The following ZSCAN29 variants were observed in gnomAD, a reference collection of about 807,000 sequenced individuals.
ZSCAN29 encodes the protein zinc finger and SCAN domain containing 29.
Under a neutral mutation model 71.9 loss-of-function variants are expected in ZSCAN29, and 55 were observed. That is an observed-to-expected ratio of 0.76 (90% CI 0.62 to 0.96). The LOEUF is 0.96. ZSCAN29 is among the 40% of genes least tolerant of loss of function. The probability of loss-of-function intolerance (pLI) is 0.00; values close to 1 mark genes in which losing one functional copy is unlikely to be tolerated. For missense variants in ZSCAN29, 1,042 were observed against 1,042.2 expected, an observed-to-expected ratio of 1.00 and a Z score of 0.00; for synonymous variants, 351 against 371.6, an observed-to-expected ratio of 0.94 and a Z score of 0.64.
Position 43,361,896 on chromosome 15 carries a change from A to T in ZSCAN29, c.1736T>A (p.Ile579Asn). The T allele has an allele frequency of 1.2e-6, 2 of 1,613,842 alleles. No individual in the cohort carries two copies. Among genetic ancestry groups the T allele is most frequent in the Middle Eastern group, 1.7e-4 (1 of 6,058 alleles). Residue 579 changes from isoleucine to asparagine, a missense_variant, in exon 6 of 6, where the codon ATT becomes AAT. By Grantham distance (149) the Ile-to-Asn change is moderately radical. Coordinates refer to ENST00000684362, the MANE Select transcript of ZSCAN29 (RefSeq NM_001372080.1). ...FENEDNSKRD[I>N]SEEVQLHRTL... The stretch of plus-strand genomic sequence containing the variant: ...CCTATGCAGTTGTACTTCCTCAGAA[A>T]TATCCCGTTTTGAATTATCTTCATT...
chr15:43,361,570 T>G lies in ZSCAN29; in HGVS notation c.2062A>C (p.Ser688Arg). 6.2e-7 allele frequency: 1 copy of G among 1,614,250 alleles called. No homozygotes were observed. The highest frequency in any genetic ancestry group is 8.5e-7 in the Non-Finnish European group (1 of 1,180,046). Residue 688 changes from serine (S) to arginine (R), a missense_variant, in exon 6 of 6, where the codon AGT becomes CGT. Physicochemically the swap from Ser to Arg is moderately radical, Grantham distance 110. Coordinates refer to ENST00000684362, the MANE Select transcript of ZSCAN29 (RefSeq NM_001372080.1). The stretch of plus-strand genomic sequence containing the variant: ...TGTCTAATGAGTCGTGCACTCCGAC[T>G]GAAGCTTTTCCCACAATCAGCACAT... ...YKCADCGKSF[S>R]RSARLIRHRR...
At position 43,370,975 on chromosome 15, in the gene ZSCAN29, A is replaced by ACCCCGGCTCCGG; in HGVS notation, c.-531_-530insCCGGAGCCGGGG. The ACCCCGGCTCCGG allele has an allele frequency of 3.9e-6, 1 of 259,160 alleles. No individual in the cohort carries two copies. The highest frequency in any genetic ancestry group is 7.7e-6 in the Non-Finnish European group (1 of 129,460). 16.1% of individuals were successfully genotyped at this position (259,160 alleles called of 1,614,324 possible). ...CTCACCCACTCGGGGTCCGACCCTGACCCCGGCCCCGGCCCCGGCCCCGGC... is the reference window on the plus strand; with the variant it reads ...CTCACCCACTCGGGGTCCGACCCTGACCCCGGCTCCGGCCCCGGCCCCGGCCCCGGCCCCGGC... On this transcript the variant is annotated 5_prime_UTR_variant, in exon 1 of 6. Transcript: ENST00000684362.
At position 43,361,127 on chromosome 15, in the gene ZSCAN29, C is replaced by A; in HGVS notation, c.2505G>T (p.Lys835Asn). 1 of 1,612,378 alleles carries A rather than the reference C, an allele frequency of 6.2e-7. No individual in the cohort carries two copies. Residue 835 changes from lysine (K) to asparagine (N), a missense_variant, in exon 6 of 6, where the codon AAG (lysine) becomes AAT (asparagine). Lys to Asn is a moderately conservative substitution (Grantham distance 94). Transcript: ENST00000684362. ...KCFSKSSALN[K>N]HGEIHAREKL... ...TTTCCCGTGCATGGATTTCTCCGTG[C>A]TTATTAAGGGCAGAGCTTTTACTGA...
chr15:43,364,770 C>T (rs1376520302), intron 4 of ZSCAN29, among the ~76,000 whole-genome samples: 1 of 151,462 alleles, frequency 6.6e-6, no homozygotes, highest in Admixed American at 6.6e-5. Context: ...CACCTATAGT[C>T]CCAGCTACTT....
chr15:43,361,485 C>A lies in ZSCAN29; in HGVS notation c.2147G>T (p.Arg716Leu). The change falls in exon 6 of 6, where the codon CGT (arginine) becomes CTT (leucine). Residue 716 changes from arginine (R) to leucine (L), a missense_variant. By Grantham distance (102) the Arg-to-Leu change is moderately radical. Coordinates refer to ENST00000684362, the MANE Select transcript of ZSCAN29 (RefSeq NM_001372080.1). ...ATGGGTGATGAAATTTGAACTGTCA[C>A]GGAAACTTTTTCCACAGTCAAGACA... The part of the protein sequence containing the change: ...YKCLDCGKSF[R>L]DSSNFITHRR... The A allele has an allele frequency of 6.2e-7, 1 of 1,613,564 alleles. No individual in the cohort carries two copies. The highest frequency in any genetic ancestry group is 8.5e-7 in the Non-Finnish European group (1 of 1,179,498).
In ZSCAN29 at chr15:43,364,079, G is replaced by A. The variant is rs769999057; in HGVS notation, c.1526C>T (p.Thr509Ile). 8 of 1,614,164 alleles carry A rather than the reference G, an allele frequency of 5.0e-6. No homozygotes were observed. In the East Asian group the frequency reaches 1.6e-4, roughly 31 times the overall value. The change falls in exon 5 of 6, where the codon ACT becomes ATT. Residue 509 changes from threonine to isoleucine, a missense_variant. Transcript: ENST00000684362. ...GGTCCCCTGGACGGGGCAAGAAGCA[G>A]TCTCTTCCTGGCCATCATTGGGTGG... ...AAPPNDGQEE[T>I]ASCPVQGTSE... is the part of the protein sequence containing the mutation.
In ZSCAN29 at chr15:43,369,788, A is replaced by G; in HGVS notation, c.126T>C (p.Leu42=). The change falls in exon 2 of 6, where the codon CTT becomes CTC. Residue 42 remains leucine, a synonymous_variant. Transcript: ENST00000684362. ...PREAFSQLWE[L]CCRWLRPEVR... ...CCTCCGGCCTTAGCCACCGACAGCA[A>G]AGTTCCCAGAGTTGGCTGAAAGCCT... The G allele has an allele frequency of 1.2e-5, 20 of 1,614,248 alleles. No individual in the cohort carries two copies. Among genetic ancestry groups the G allele is most frequent in the Non-Finnish European group, 1.7e-5 (20 of 1,180,048 alleles).
Position 43,364,015 on chromosome 15 carries a change from G to A in ZSCAN29, c.1590C>T (p.Asp530=), listed in dbSNP as rs756044509. 20 of 1,613,892 alleles carry A rather than the reference G, an allele frequency of 1.2e-5. No individual in the cohort carries two copies. Among genetic ancestry groups the A allele is most frequent in the East Asian group, 2.2e-5 (1 of 44,900 alleles). Residue 530 remains aspartate, a synonymous_variant, in exon 5 of 6, where the codon GAC becomes GAT. Transcript: ENST00000684362. ...CATCAGAATCTTCCTCTGTGGCCTC[G>A]TCTGCTTCCTCAGCTTGCTTCTGAG... ...AEAQKQAEEA[D]EATEEDSDDD...
rs2044085962 is a variant in ZSCAN29 at position 43,370,015 on chromosome 15, GGT to G, written c.-104_-103del. The G allele has an allele frequency of 2.5e-6, 3 of 1,217,098 alleles. No individual in the cohort carries two copies. The highest frequency in any genetic ancestry group is 3.4e-6 in the Non-Finnish European group (3 of 879,222). 75.4% of individuals were successfully genotyped at this position (1,217,098 alleles called of 1,614,324 possible). A position where few individuals can be genotyped will look rare whatever the true frequency, so the allele number is the denominator to read the frequency against. ...GAATCCCCTGCAGATGACTGTAAGA[GGT>G]GTTTCTTCCTAGGGCAGAGAAAGAT... is the stretch of plus-strand genomic sequence containing the variant. On this transcript the variant is annotated 5_prime_UTR_variant, in exon 2 of 6. The change creates a premature stop within an existing upstream ORF in the 5' untranslated region. Transcript: ENST00000684362.
Position 43,364,042 on chromosome 15 carries a change from T to C in ZSCAN29, c.1563A>G (p.Glu521=). ...CTGCTTCCTCAGCTTGCTTCTGAGC[T>C]TCAGCCTCACTGGTCCCCTGGACGG... ...SCPVQGTSEA[E]AQKQAEEADE... is the part of the protein sequence containing the mutation. Residue 521 remains glutamate (E), a synonymous_variant, in exon 5 of 6, where the codon GAA becomes GAG. Coordinates refer to ENST00000684362, the MANE Select transcript of ZSCAN29 (RefSeq NM_001372080.1). 6.2e-7 allele frequency: 1 copy of C among 1,614,162 alleles called. No homozygotes were observed. The highest frequency in any genetic ancestry group is 1.6e-4 in the Middle Eastern group (1 of 6,062).
rs1238510690 is a variant in ZSCAN29, at chr15:43,359,390, C to T, written c.*1683G>A. 1.3e-5 allele frequency: 2 copies of T among 152,208 alleles called. No individual in the cohort carries two copies. The highest frequency in any genetic ancestry group is 2.9e-5 in the Non-Finnish European group (2 of 68,040). The allele number at this position is 152,208 out of a possible 1,614,324, so 9.4% of individuals were successfully genotyped here. A position where few individuals can be genotyped will look rare whatever the true frequency, so the allele number is the denominator to read the frequency against. On this transcript the variant is annotated 3_prime_UTR_variant, in exon 6 of 6. Transcript: ENST00000684362. ...GCTCATCATACTATGAGCATATGGG[C>T]AGTTAATACTATTGTATTATAAAGA...
Position 43,368,983 on chromosome 15 carries a change from C to G in ZSCAN29, c.463G>C (p.Asp155His). The change falls in exon 3 of 6, where the codon GAC (aspartate) becomes CAC (histidine). Residue 155 changes from aspartate to histidine, a missense_variant. Coordinates refer to ENST00000684362, the MANE Select transcript of ZSCAN29 (RefSeq NM_001372080.1). ...VPKKERARSP[D>H]LGPQEQMNPK... ...TTCATCTGCTCCTGTGGTCCCAGGT[C>G]TGGGCTTCTTGCCCTCTCTTTCTTG... The G allele has an allele frequency of 6.2e-7, 1 of 1,613,108 alleles. No homozygotes were observed. Among genetic ancestry groups the G allele is most frequent in the Non-Finnish European group, 8.5e-7 (1 of 1,179,730 alleles).
Position 43,366,253 on chromosome 15 carries a change from TCA to T in ZSCAN29, c.1077_1078del (p.Glu360ArgfsTer10). 1.2e-6 allele frequency: 2 copies of T among 1,613,688 alleles called. No homozygotes were observed. Among genetic ancestry groups the T allele is most frequent in the Non-Finnish European group, 1.7e-6 (2 of 1,180,030 alleles). On this transcript the variant is annotated frameshift_variant, in exon 4 of 6. Coordinates refer to ENST00000684362, the MANE Select transcript of ZSCAN29 (RefSeq NM_001372080.1). LOFTEE classifies it high-confidence loss of function. ...CTGCCAGCCCCTCTGCCCTGGCTCT[TCA>T]GTCTCAGCATCGCTGCCTACCAGGC... is the stretch of plus-strand genomic sequence containing the variant.
At chr15:43,366,004 C>T in intron 4 of ZSCAN29, 106 bp downstream of exon 4, 1 of 1,114,034 alleles carries the variant, frequency 9.0e-7, no homozygotes, top group Non-Finnish European at 1.3e-6. Context: ...CTTCTTTGTT[C>T]CCTAAGTGGC....
At position 43,370,561 on chromosome 15, in the gene ZSCAN29, T is replaced by A. The variant is rs76609032; in HGVS notation, c.-116A>T. On this transcript the variant is annotated 5_prime_UTR_variant, in exon 1 of 6. Transcript: ENST00000684362. ...TCAGCAAGGATTAGGGAGCTACCTG[T>A]CGGAAAACCTCGCGCAAGGAGAGAA... 1,797 of 152,534 alleles carry A rather than the reference T, an allele frequency of 0.012. 21 individuals are homozygous for A. Among genetic ancestry groups the A allele is most frequent in the South Asian group, 0.062 (297 of 4,828 alleles). 9.4% of individuals were successfully genotyped at this position (152,534 alleles called of 1,614,324 possible). A position where few individuals can be genotyped will look rare whatever the true frequency, so the allele number is the denominator to read the frequency against.
chr15:43,370,320 AG>A (rs889689868), intron 1 of ZSCAN29: 13 of 164,778 alleles, frequency 7.9e-5, no homozygotes, highest in African/African-American at 2.9e-4. Context: ...CTGGAGTTCG[AG>A]AGGATCTAAA....
At chr15:43,369,224 G>C (rs1183474454) in intron 2 of ZSCAN29, 97 bp from the exon 3 acceptor site, 9 of 1,293,120 alleles carry the variant, frequency 7.0e-6, no homozygotes, top group Non-Finnish European at 1.0e-6. Flanking sequence ...ATCTTTCAGA[G>C]CCATGGCCAG....
intron 2 of ZSCAN29, 119 bp downstream of exon 2, chr15:43,369,477 G>C: frequency 8.5e-7 from 1 of 1,173,582 alleles, no homozygotes; most frequent in Admixed American, 2.3e-5. Context: ...ACCTATACCA[G>C]ACCAGAAGTA....
At position 43,366,522 on chromosome 15, in the gene ZSCAN29, TC is replaced by T. The variant is rs772374899; in HGVS notation, c.809del (p.Arg270LysfsTer61). Reference sequence around the variant, plus strand: ...ACACTTGGCTGTTCCTATGGCAGTTTCTGAGAGCCTCATAAAACTCAGTCTG... The same window carrying T: ...ACACTTGGCTGTTCCTATGGCAGTTTTGAGAGCCTCATAAAACTCAGTCTG... ...LSQTEFYEAL[R>X]NCHRNSQVYG... is the part of the protein sequence containing the mutation. On this transcript the variant is annotated frameshift_variant, in exon 4 of 6. Coordinates refer to ENST00000684362, the MANE Select transcript of ZSCAN29 (RefSeq NM_001372080.1). LOFTEE classifies it high-confidence loss of function. The T allele has an allele frequency of 6.2e-7, 1 of 1,614,152 alleles. No homozygotes were observed. Among genetic ancestry groups the T allele is most frequent in the Non-Finnish European group, 8.5e-7 (1 of 1,180,060 alleles).
Sources: allele counts gnomAD v4.1 joint callset (sites outside exome capture counted in the v4.1 genomes callset), GRCh38; gene constraint gnomAD v4.1.1; transcripts MANE v1.5; gene names NCBI Gene and HGNC (gene_info 2026-07-23, HGNC 2026-07-21).